ZNF44: variants seen among roughly 807,000 people sequenced by gnomAD.
ZNF44 encodes zinc finger protein 44.
A neutral mutation model predicts 11.7 loss-of-function variants in ZNF44; 9 were observed. The ratio of observed to expected loss-of-function variants is 0.77; its 90% CI spans 0.46 to 1.35. The LOEUF (loss-of-function observed/expected upper bound fraction) is 1.35, where lower values mean the gene tolerates loss of function less well. Among genes scored for constraint, ZNF44 ranks in the 40% most tolerant of loss-of-function variants. The pLI is 0.00. For missense variants in ZNF44, 696 were observed against 743.1 expected, an observed-to-expected ratio of 0.94 and a Z score of 0.74; for synonymous variants, 224 against 242.7, an observed-to-expected ratio of 0.92 and a Z score of 0.72.
At chr19:12,289,861 G>T (rs1032806410) in intron 1 of ZNF44, among the ~76,000 whole-genome samples, 2 of 151,782 alleles carry the variant, frequency 1.3e-5, no homozygotes, top group African/African-American at 4.8e-5. Context: ...ACGATCTCCG[G>T]ACCTTGCAAT....
downstream of ZNF44, among the ~76,000 whole-genome samples, chr19:12,270,619 T>C (rs1260660042): frequency 2.0e-5 from 3 of 152,094 alleles, no homozygotes; most frequent in African/African-American, 7.2e-5. Flanking sequence ...GCCCAGCTAA[T>C]TTTTGTATTT....
downstream of ZNF44, among the ~76,000 whole-genome samples, chr19:12,246,066 T>G (rs550322745): frequency 2.6e-5 from 4 of 152,336 alleles, no homozygotes; most frequent in Non-Finnish European, 5.9e-5. Flanking sequence ...TATGCATCTG[T>G]CTGTCTCCAC....
At chr19:12,266,353 T>G in intron 5 of ZNF44, 1 of 984,368 alleles carries the variant, frequency 1.0e-6, no homozygotes, top group Non-Finnish European at 1.2e-6. Flanking sequence ...CGACACACCC[T>G]GAGCTGACAC....
Position 12,288,922 on chromosome 19 carries a change from C to T in ZNF44, c.3+5770G>A, listed in dbSNP as rs537181507. 2.0e-5 allele frequency among the ~76,000 whole-genome samples: 3 copies of T among 151,532 alleles called. No homozygotes were observed. The South Asian group carries it at 6.3e-4, about 32-fold the overall frequency. On this transcript the variant is annotated intron_variant, in intron 1 of 3. Coordinates refer to ENST00000355684, the MANE Select transcript of ZNF44 (RefSeq NM_016264.4). ...TGGCTCCCGCCTTTTTAACCTGTAA[C>T]AAGGCCCTCCAAATTCCCATTCTTT...
chr19:12,239,571 T>A (rs2438553), upstream of ZNF44, among the ~76,000 whole-genome samples: 68 of 119,488 alleles, frequency 5.7e-4, no homozygotes, highest in African/African-American at 3.1e-3. Flanking sequence ...AAGTTGCATT[T>A]TTTTTTTTTT....
chr19:12,285,385 A>G (rs540618449), intron 1 of ZNF44, among the ~76,000 whole-genome samples: 21 of 152,192 alleles, frequency 1.4e-4, no homozygotes, highest in African/African-American at 4.8e-4. Context: ...CCTCCCGAGT[A>G]GCTGGGATTA....
At chr19:12,275,308 T>C (rs1276254290) in intron 2 of ZNF44, among the ~76,000 whole-genome samples, 2 of 152,200 alleles carry the variant, frequency 1.3e-5, no homozygotes, top group Admixed American at 1.3e-4. Context: ...TTCAACTTAA[T>C]GCAGAGTAAA....
chr19:12,284,601 G>A (rs1418570769), intron 1 of ZNF44: 5 of 717,276 alleles, frequency 7.0e-6, no homozygotes, highest in African/African-American at 3.4e-5. Context: ...CTTGTTCCTG[G>A]GGGCCTCTCT....
intron 1 of ZNF44, among the ~76,000 whole-genome samples, chr19:12,289,029 G>T (rs894089586): frequency 3.3e-5 from 5 of 151,818 alleles, no homozygotes; most frequent in African/African-American, 1.2e-4. Flanking sequence ...TTGTGGCCAG[G>T]CCTGATGGCT....
intron 3 of ZNF44, among the ~76,000 whole-genome samples, chr19:12,229,615 A>C (rs1050778882): frequency 7.2e-6 from 1 of 138,068 alleles, no homozygotes; most frequent in African/African-American, 3.3e-5. Flanking sequence ...AGGAAGAAAG[A>C]TATTTTTTTT....
intron 1 of ZNF44, 60 bp from the exon 2 acceptor site, chr19:12,276,142 A>C: frequency 6.4e-7 from 1 of 1,566,950 alleles, no homozygotes; most frequent in Non-Finnish European, 8.7e-7. Flanking sequence ...GAGAACCTAT[A>C]CTCACCTTCA....
rs942640345 is a variant in ZNF44 at position 12,274,159 on chromosome 19, C to G, written c.192-96G>C. 26 of 1,104,346 alleles carry G rather than the reference C, an allele frequency of 2.4e-5. No homozygotes were observed. The African/African-American group carries it at 3.5e-4, about 15-fold the overall frequency. The allele number at this position is 1,104,346 out of a possible 1,614,324, so 68.4% of individuals were successfully genotyped here. ...TACATTTTTAACATTATCAGGCAAG[C>G]TATAAGCTTCATGTCCTGCTTCAAT... is the stretch of plus-strand genomic sequence containing the variant. On this transcript the variant is annotated intron_variant, in intron 3 of 3. Transcript: ENST00000355684.
chr19:12,260,500 T>TGAAGCG (rs1917463555), intron 5 of ZNF44: 2 of 1,278,730 alleles, frequency 1.6e-6, no homozygotes, highest in Non-Finnish European at 2.2e-6. Context: ...CCTGTGATGG[T>TGAAGCG]GAAGCGGAAG....
intron 7 of ZNF44, among the ~76,000 whole-genome samples, chr19:12,249,536 C>T (rs991712571): frequency 3.3e-5 from 5 of 150,454 alleles, no homozygotes; most frequent in Admixed American, 2.7e-4. Context: ...GAAAAGAAAG[C>T]ACTTTGGGTT....
intron 2 of ZNF44, among the ~76,000 whole-genome samples, chr19:12,275,625 G>A (rs1406811720): frequency 1.3e-5 from 2 of 151,818 alleles, no homozygotes; most frequent in Admixed American, 6.6e-5. Flanking sequence ...CAGCCTGGGC[G>A]ACAGAGCAAG....
chr19:12,260,511 C>T (rs1029399092), intron 5 of ZNF44: 39 of 1,198,848 alleles, frequency 3.3e-5, no homozygotes, highest in East Asian at 5.0e-5. Context: ...GAAGCGGAAG[C>T]GGACCCGCGC....
At chr19:12,251,269 T>C (rs922112681) in intron 5 of ZNF44, among the ~76,000 whole-genome samples, 12 of 147,916 alleles carry the variant, frequency 8.1e-5, no homozygotes, top group African/African-American at 2.8e-4. Context: ...AGGTGGAGGG[T>C]ACAGTGAGCC....
upstream of ZNF44, among the ~76,000 whole-genome samples, chr19:12,241,121 T>C (rs534696377): frequency 7.9e-5 from 12 of 152,142 alleles, no homozygotes; most frequent in South Asian, 4.2e-4. Flanking sequence ...TACAAAGATA[T>C]ATAAATGGCC....
Position 12,250,700 on chromosome 19 carries a change from C to T in ZNF44, c.1913-332G>A, listed in dbSNP as rs573969968. ...GAGAAAAACTCATCTTCTTCTTATACATCACATCACTCAACATTCCATGAG... is the reference window on the plus strand; with the variant it reads ...GAGAAAAACTCATCTTCTTCTTATATATCACATCACTCAACATTCCATGAG... On this transcript the variant is annotated intron_variant and NMD_transcript_variant, in intron 5 of 7. Transcript: ENST00000393337. The T allele has an allele frequency of 6.3e-5, 28 of 444,504 alleles. 1 individual carries two copies. The highest frequency in any genetic ancestry group is 3.8e-4 in the African/African-American group (19 of 49,590). 27.5% of individuals were successfully genotyped at this position (444,504 alleles called of 1,614,324 possible).
Sources: gnomAD v4.1 joint callset for allele counts (sites outside exome capture counted in the v4.1 genomes callset) on GRCh38, gnomAD v4.1.1 for gene constraint, MANE v1.5 for transcripts, NCBI Gene and HGNC (gene_info 2026-07-23, HGNC 2026-07-21) for gene names.